TRAF7: variants seen among roughly 807,000 people sequenced by gnomAD.
TRAF7 encodes the protein E3 ubiquitin-protein ligase TRAF7.
Under a neutral mutation model 89.3 loss-of-function variants are expected in TRAF7, and 45 were observed. The ratio of observed to expected loss-of-function variants is 0.50; its 90% confidence interval spans 0.40 to 0.65. The LOEUF (loss-of-function observed/expected upper bound fraction) is 0.65. Ranked by LOEUF, TRAF7 falls within the 30% of genes least tolerant of loss-of-function variation. The pLI is 0.00. For synonymous variants in TRAF7, 406 were observed against 369.2 expected (o/e 1.10, Z -1.14); for missense variants, 677 against 918.1 (o/e 0.74, Z 3.39).
At chr16:2,165,610 GTGTGGCGCAGCCTGGTCGCATGGTT>G in intron 2 of TRAF7, among the ~76,000 whole-genome samples, 1 of 140,934 alleles carries the variant, frequency 7.1e-6, no homozygotes, top group African/African-American at 2.7e-5. Flanking sequence ...TGTGAGTGCT[GTGTGGCGCAGCCTGGTCGCATGGTT>G]AAGCGTGTGA....
intron 2 of TRAF7, among the ~76,000 whole-genome samples, chr16:2,164,275 G>T (rs897772735): frequency 3.3e-5 from 5 of 150,310 alleles, no homozygotes; most frequent in Middle Eastern, 3.4e-3. Context: ...CGGCCTGGTC[G>T]CATGGTTAAG....
Position 2,161,477 on chromosome 16 carries a change from C to T in TRAF7, c.-38-2406C>T, listed in dbSNP as rs1159896648. 1.3e-5 allele frequency among the ~76,000 whole-genome samples: 2 copies of T among 152,198 alleles called. No individual in the cohort carries two copies. Among genetic ancestry groups the T allele is most frequent in the African/African-American group, 2.4e-5 (1 of 41,440 alleles). On this transcript the variant is annotated intron_variant, in intron 1 of 20. Transcript: ENST00000326181. The surrounding 1 kb of genome is among the most constrained non-coding windows in gnomAD (Gnocchi z 5.2). ...AACAGGCACTGAGGCCAGCCCGACC[C>T]ATCCCAGGGGAGTGCCTGCTGGGGT...
In TRAF7 at chr16:2,171,434, G is replaced by A. The variant is rs1273758044; in HGVS notation, c.441+78G>A. 1.2e-5 allele frequency: 19 copies of A among 1,532,526 alleles called. No homozygotes were observed. In the Admixed American group the frequency reaches 2.6e-4, roughly 21 times the overall value. 94.9% of individuals were successfully genotyped at this position (1,532,526 alleles called of 1,614,324 possible). A position where few individuals can be genotyped will look rare whatever the true frequency, so the allele number is the denominator to read the frequency against. On this transcript the variant is annotated intron_variant, in intron 6 of 20. Transcript: ENST00000326181. ...CCCAGGGCTCTCGGGGGCCGGGGCT[G>A]TGGCGCCCTGGCCTTGGTCAAGGCC...
chr16:2,171,574 C>T lies in TRAF7; in HGVS notation c.444C>T (p.His148=), dbSNP rs774515635. ...AAGCCCGCCCTTTGCCTCCACAGCA[C>T]ACGTTCTGTAGGAGATGCGCCTTGA... ...FKDPVITTCG[H]TFCRRCALKS... Residue 148 remains histidine, a splice_region_variant and synonymous_variant, in exon 7 of 21, where the codon CAC becomes CAT. Coordinates refer to ENST00000326181, the MANE Select transcript of TRAF7 (RefSeq NM_032271.3). The T allele has an allele frequency of 5.6e-6, 9 of 1,613,334 alleles. No homozygotes were observed. In the Admixed American group the frequency reaches 1.0e-4, roughly 18 times the overall value.
At chr16:2,169,243 C>T (rs141560730) in intron 4 of TRAF7, among the ~76,000 whole-genome samples, 55 of 152,288 alleles carry the variant, frequency 3.6e-4, no homozygotes, top group African/African-American at 1.2e-3. Context: ...CTTGGCCTTC[C>T]AAAGTGCTGG....
At chr16:2,160,492 A>AGGTGTGGACCGGCGGGC (rs2093053513) in intron 1 of TRAF7, among the ~76,000 whole-genome samples, 1 of 80,380 alleles carries the variant, frequency 1.2e-5, no homozygotes, top group Non-Finnish European at 2.4e-5. Flanking sequence ...GACGGGCGGG[A>AGGTGTGGACCGGCGGGC]GGTGTGGACC....
chr16:2,174,304 T>C lies in TRAF7; in HGVS notation c.1317T>C (p.Asp439=), dbSNP rs758456130. The change falls in exon 14 of 21, where the codon GAT becomes GAC. Residue 439 remains aspartate (D), a synonymous_variant. Coordinates refer to ENST00000326181, the MANE Select transcript of TRAF7 (RefSeq NM_032271.3). ...YKCQKTLEGH[D]GIVLALCIQG... ...GTCAGAAGACACTGGAGGGCCATGA[T>C]GGCATCGTGCTGGCTCTCTGCATCC... is the stretch of plus-strand genomic sequence containing the variant. 6.2e-7 allele frequency: 1 copy of C among 1,613,120 alleles called. No individual in the cohort carries two copies. The highest frequency in any genetic ancestry group is 1.3e-5 in the African/African-American group (1 of 74,928).
In TRAF7 at chr16:2,162,119, G is replaced by C. The variant is rs534545680; in HGVS notation, c.-38-1764G>C. 6.6e-6 allele frequency among the ~76,000 whole-genome samples: 1 copy of C among 152,256 alleles called. No homozygotes were observed. The highest frequency in any genetic ancestry group is 1.5e-5 in the Non-Finnish European group (1 of 68,040). ...AAGATCAGGTGGGGCCAGGTAGCTCGTGGCGCTGCCAACTGCAGGGGCTGA... is the reference window on the plus strand; with the variant it reads ...AAGATCAGGTGGGGCCAGGTAGCTCCTGGCGCTGCCAACTGCAGGGGCTGA... On this transcript the variant is annotated intron_variant, in intron 1 of 20. Transcript: ENST00000326181. This position sits in a 1 kb window ranked among gnomAD's most constrained non-coding sequence, Gnocchi z 5.0.
chr16:2,164,005 AGGGTGTGCC>A lies in TRAF7; in HGVS notation c.81+5_81+13del, dbSNP rs754138097. 7.8e-4 allele frequency: 1,254 copies of A among 1,608,750 alleles called. 9 individuals carry two copies. The highest frequency in any genetic ancestry group is 1.8e-4 in the Non-Finnish European group (209 of 1,177,516). ...CACCCCAGACGTCACCACAGGGGTA[AGGGTGTGCC>A]CCTCTGCAAGCCCAACATCCCCAGG... On this transcript the variant is annotated splice_donor_5th_base_variant and intron_variant, in intron 2 of 20. Coordinates refer to ENST00000326181, the MANE Select transcript of TRAF7 (RefSeq NM_032271.3).
Position 2,176,852 on chromosome 16 carries a change from G to A in TRAF7, c.*278G>A. ...CCATCCCCACCCTAGATGGAGCGAGGGCCTTTTTACTCACCTTTTCTACCG... is the reference window on the plus strand; with the variant it reads ...CCATCCCCACCCTAGATGGAGCGAGAGCCTTTTTACTCACCTTTTCTACCG... On this transcript the variant is annotated 3_prime_UTR_variant, in exon 21 of 21. Transcript: ENST00000326181. The A allele has an allele frequency of 1.7e-6, 1 of 587,564 alleles. No individual in the cohort carries two copies. The highest frequency in any genetic ancestry group is 3.0e-6 in the Non-Finnish European group (1 of 328,602). 36.4% of individuals were successfully genotyped at this position (587,564 alleles called of 1,614,324 possible). A position where few individuals can be genotyped will look rare whatever the true frequency, so the allele number is the denominator to read the frequency against.
chr16:2,163,686 C>T lies in TRAF7; in HGVS notation c.-38-197C>T, dbSNP rs930397689. Reference sequence around the variant, plus strand: ...GGTGACGCAGAGCCGCCTGCCTGCCCGGGCCTCTGCATACCTGGGATCGGG... The same window carrying T: ...GGTGACGCAGAGCCGCCTGCCTGCCTGGGCCTCTGCATACCTGGGATCGGG... On this transcript the variant is annotated intron_variant, in intron 1 of 20. Coordinates refer to ENST00000326181, the MANE Select transcript of TRAF7 (RefSeq NM_032271.3). The surrounding 1 kb of genome is among the most constrained non-coding windows in gnomAD (Gnocchi z 4.3). 4.4e-5 allele frequency: 25 copies of T among 572,058 alleles called. No homozygotes were observed. Among genetic ancestry groups the T allele is most frequent in the South Asian group, 2.6e-4 (13 of 50,228 alleles). 35.4% of individuals were successfully genotyped at this position (572,058 alleles called of 1,614,324 possible).
chr16:2,168,460 C>A lies in TRAF7; in HGVS notation c.231+292C>A. 2.7e-6 allele frequency: 1 copy of A among 374,234 alleles called. No individual in the cohort carries two copies. Among genetic ancestry groups the A allele is most frequent in the Non-Finnish European group, 4.9e-6 (1 of 202,660 alleles). 23.2% of individuals were successfully genotyped at this position (374,234 alleles called of 1,614,324 possible). A position where few individuals can be genotyped will look rare whatever the true frequency, so the allele number is the denominator to read the frequency against. ...GGCTCCATCTTAAGGGAGGTGGAAA[C>A]CACAGAAAGTTCAGTCAGGAGGATA... is the stretch of plus-strand genomic sequence containing the variant. On this transcript the variant is annotated intron_variant, in intron 4 of 20. Transcript: ENST00000326181. The surrounding 1 kb of genome is among the most constrained non-coding windows in gnomAD (Gnocchi z 4.1).
rs558445749 is a variant in TRAF7, at chr16:2,174,338, GTCCAGGCACATGTGTGATCAGTGAT to G, written c.1346+9_1346+33del. On this transcript the variant is annotated splice_donor_region_variant and intron_variant, in intron 14 of 20. Coordinates refer to ENST00000326181, the MANE Select transcript of TRAF7 (RefSeq NM_032271.3). ...GCTGGCTCTCTGCATCCAGGGGTGA[GTCCAGGCACATGTGTGATCAGTGAT>G]TCCCAGGACAGGAGACGTGGCGCTG... is the stretch of plus-strand genomic sequence containing the variant. 1.7e-3 allele frequency: 2,726 copies of G among 1,612,532 alleles called. 3 individuals are homozygous for G. The highest frequency in any genetic ancestry group is 2.2e-3 in the Non-Finnish European group (2,544 of 1,179,722).
At chr16:2,165,729 T>A (rs1406243655) in intron 2 of TRAF7, 150 bp from the exon 3 acceptor site, 1 of 804,026 alleles carries the variant, frequency 1.2e-6, no homozygotes, top group Non-Finnish European at 2.0e-6. Context: ...AGCGTGTGAG[T>A]GCTGCGTGGC....
rs761770001 is a variant in TRAF7, at chr16:2,176,262, C to T, written c.1879-3C>T. ...CGGGCCCTCACGTCCCATGTGCCCCCAGGTCTGGAGTATGGACAACATGAT... is the reference window on the plus strand; with the variant it reads ...CGGGCCCTCACGTCCCATGTGCCCCTAGGTCTGGAGTATGGACAACATGAT... On this transcript the variant is annotated splice_region_variant and splice_polypyrimidine_tract_variant and intron_variant, in intron 19 of 20. Transcript: ENST00000326181. 8 of 1,601,406 alleles carry T rather than the reference C, an allele frequency of 5.0e-6. No individual in the cohort carries two copies. In the South Asian group the frequency reaches 8.8e-5, roughly 18 times the overall value.
Position 2,158,779 on chromosome 16 carries a change from G to C in TRAF7, c.-39+2921G>C, listed in dbSNP as rs1008620885. On this transcript the variant is annotated intron_variant, in intron 1 of 20. Transcript: ENST00000326181. This position sits in a 1 kb window ranked among gnomAD's most constrained non-coding sequence, Gnocchi z 4.7. ...AAGCGTGGGCTCGGCGGGGGGGGGGGGGACACTGCCACCCTTGGCTCTTGG... is the reference window on the plus strand; with the variant it reads ...AAGCGTGGGCTCGGCGGGGGGGGGGCGGACACTGCCACCCTTGGCTCTTGG... 4.6e-5 allele frequency among the ~76,000 whole-genome samples: 7 copies of C among 150,940 alleles called. No individual in the cohort carries two copies. The highest frequency in any genetic ancestry group is 9.7e-5 in the African/African-American group (4 of 41,026).
rs1331598952 is a variant in TRAF7, at chr16:2,174,036, C to G, written c.1251C>G (p.Asp417Glu). Reference sequence around the variant, plus strand: ...ACCTGCTCTTCAGTGGCTCCTCTGACAAGACCATCAAGGTGGGCAGGGTCC... The same window carrying G: ...ACCTGCTCTTCAGTGGCTCCTCTGAGAAGACCATCAAGGTGGGCAGGGTCC... ...MGDLLFSGSS[D>E]KTIKVWDTCT... The change falls in exon 13 of 21, where the codon GAC becomes GAG. Residue 417 changes from aspartate to glutamate, a missense_variant. By Grantham distance (45) the Asp-to-Glu change is conservative. This residue lies in a region of TRAF7 where 15 missense variants were observed against 61.5 expected (regional missense o/e 0.24). Transcript: ENST00000326181. 6.2e-7 allele frequency: 1 copy of G among 1,613,224 alleles called. No individual in the cohort carries two copies. The highest frequency in any genetic ancestry group is 1.7e-5 in the Admixed American group (1 of 60,028).
chr16:2,175,881 T>C lies in TRAF7; in HGVS notation c.1674T>C (p.Ser558=), dbSNP rs2093133610. ...ACTGCATCCACGTCCTGCAGACGTC[T>C]GGTGGCAGCGTCTACTCCATTGCTG... ...TLDCIHVLQT[S]GGSVYSIAVT... is the part of the protein sequence containing the mutation. The change falls in exon 18 of 21, where the codon TCT becomes TCC. Residue 558 remains serine, a synonymous_variant. Transcript: ENST00000326181. 1 of 1,613,576 alleles carries C rather than the reference T, an allele frequency of 6.2e-7. No individual in the cohort carries two copies. The highest frequency in any genetic ancestry group is 8.5e-7 in the Non-Finnish European group (1 of 1,179,986).
Position 2,163,485 on chromosome 16 carries a change from A to T in TRAF7, c.-38-398A>T, listed in dbSNP as rs1038801810. On this transcript the variant is annotated intron_variant, in intron 1 of 20. Coordinates refer to ENST00000326181, the MANE Select transcript of TRAF7 (RefSeq NM_032271.3). This position sits in a 1 kb window ranked among gnomAD's most constrained non-coding sequence, Gnocchi z 4.3. ...GTGACTGCGTCCCGCCACGTGGGCC[A>T]CACCCTGGGCCTACCCACCAAGGCC... 9.6e-6 allele frequency: 2 copies of T among 208,792 alleles called. No individual in the cohort carries two copies. Among genetic ancestry groups the T allele is most frequent in the African/African-American group, 4.7e-5 (2 of 42,154 alleles). 12.9% of individuals were successfully genotyped at this position (208,792 alleles called of 1,614,324 possible).
Sources: gnomAD v4.1 joint callset for allele counts (sites outside exome capture counted in the v4.1 genomes callset) on GRCh38, gnomAD v4.1.1 for gene constraint, gnomAD v4.1.1 regional missense constraint, Gnocchi (gnomAD v3.1) non-coding constraint, MANE v1.5 for transcripts, NCBI Gene and HGNC (gene_info 2026-07-23, HGNC 2026-07-21) for gene names.